PRKCE: variants seen among roughly 807,000 people sequenced by gnomAD.
PRKCE encodes the protein protein kinase C epsilon type.
In PRKCE, 16 loss-of-function variants were observed where a neutral mutation model predicts 85.4. That is an observed-to-expected ratio of 0.19 (90% CI 0.13 to 0.28). PRKCE has a LOEUF of 0.28. Ranked by LOEUF, PRKCE falls within the 10% of genes least tolerant of loss-of-function variation. PRKCE has a pLI of 1.00. For synonymous variants in PRKCE, 388 were observed against 371.5 expected (o/e 1.04, Z -0.51); for missense variants, 573 against 975.2 (o/e 0.59, Z 5.49).
intron 10 of PRKCE, among the ~76,000 whole-genome samples, chr2:46,014,931 C>T (rs554398082): frequency 6.6e-5 from 10 of 152,276 alleles, no homozygotes; most frequent in African/African-American, 1.9e-4. Context: ...ATGCTATCTC[C>T]TACTTCTTCC....
chr2:45,792,508 C>T (rs773439184), intron 1 of PRKCE, among the ~76,000 whole-genome samples: 1 of 152,180 alleles, frequency 6.6e-6, no homozygotes, highest in Non-Finnish European at 1.5e-5. Context: ...CCTTCCCACC[C>T]TTTCCCTTCT....
intron 11 of PRKCE, among the ~76,000 whole-genome samples, chr2:46,142,337 A>G (rs1253545630): frequency 6.6e-6 from 1 of 152,142 alleles, no homozygotes; most frequent in Non-Finnish European, 1.5e-5. Context: ...ACCCCCAGAG[A>G]AATAGAAAGT....
chr2:45,770,477 T>G (rs1685227719), intron 1 of PRKCE, among the ~76,000 whole-genome samples: 1 of 152,134 alleles, frequency 6.6e-6, no homozygotes, highest in African/African-American at 2.4e-5. Context: ...CCACTTGTGT[T>G]TCTGGAGCTC....
intron 1 of PRKCE, among the ~76,000 whole-genome samples, chr2:45,671,781 A>G (rs1311916052): frequency 6.6e-6 from 1 of 152,202 alleles, no homozygotes; most frequent in East Asian, 1.9e-4. Flanking sequence ...AAAAAAATCC[A>G]GTAGAGGACA....
intron 11 of PRKCE, among the ~76,000 whole-genome samples, chr2:46,123,302 A>T (rs139142558): frequency 1.5e-4 from 21 of 137,580 alleles, no homozygotes; most frequent in African/African-American, 5.5e-4. Flanking sequence ...CACATGCTTT[A>T]ATATCTTAAA....
At chr2:46,019,847 CTTTTTTTTTTTT>C (rs869079304) in intron 10 of PRKCE, among the ~76,000 whole-genome samples, 25 of 105,894 alleles carry the variant, frequency 2.4e-4, no homozygotes, top group African/African-American at 9.3e-4. Context: ...TTGGTTTTCT[CTTTTTTTTTTTT>C]TTTTTTTTTG....
rs183960460 is a variant in PRKCE at position 45,810,180 on chromosome 2, A to G, written c.349-32820A>G. Among the ~76,000 whole-genome samples, 1,452 of 151,970 alleles carry G rather than the reference A, an allele frequency of 9.6e-3. 21 individuals carry two copies. Among genetic ancestry groups the G allele is most frequent in the African/African-American group, 0.033 (1,367 of 41,488 alleles). On this transcript the variant is annotated intron_variant, in intron 1 of 14. Transcript: ENST00000306156. ...CTCAGCCTCCTGAGTAGCTGGGATT[A>G]CAGGTGCCTACCACCATGCCCGGCT...
chr2:45,917,586 T>TG (rs1697898590), intron 2 of PRKCE, among the ~76,000 whole-genome samples: 2 of 152,216 alleles, frequency 1.3e-5, no homozygotes, highest in Admixed American at 6.5e-5. Context: ...CCCCACCAGA[T>TG]TCAGGAGCCC....
intron 1 of PRKCE, among the ~76,000 whole-genome samples, chr2:45,658,677 G>C (rs1344671742): frequency 2.0e-5 from 3 of 152,204 alleles, no homozygotes; most frequent in Non-Finnish European, 2.9e-5. Context: ...AAGTGGTCTG[G>C]CTATAATACA....
intron 10 of PRKCE, among the ~76,000 whole-genome samples, chr2:46,017,880 G>A (rs1222528202): frequency 6.6e-6 from 1 of 152,134 alleles, no homozygotes; most frequent in Non-Finnish European, 1.5e-5. Context: ...ACCCAGATTG[G>A]AATAAAGGTT....
intron 1 of PRKCE, among the ~76,000 whole-genome samples, chr2:45,799,805 G>A (rs1296568866): frequency 2.0e-5 from 3 of 152,194 alleles, no homozygotes; most frequent in Non-Finnish European, 4.4e-5. Flanking sequence ...CTGAGATGAT[G>A]TCAGAAGTAG....
chr2:46,098,834 G>A (rs962055526), intron 11 of PRKCE, among the ~76,000 whole-genome samples: 6 of 152,032 alleles, frequency 3.9e-5, no homozygotes, highest in Non-Finnish European at 8.8e-5. Flanking sequence ...CAGCTTTGCC[G>A]TGGTAAGCAG....
chr2:45,767,726 A>T (rs4413200), intron 1 of PRKCE, among the ~76,000 whole-genome samples: 1 of 152,084 alleles, frequency 6.6e-6, no homozygotes. Context: ...TTTCTCTAGC[A>T]TGCATGTCCA....
rs1339945010 is a variant in PRKCE at position 46,159,839 on chromosome 2, C to T, written c.2067+87C>T. 23 of 1,526,770 alleles carry T rather than the reference C, an allele frequency of 1.5e-5. No homozygotes were observed. The highest frequency in any genetic ancestry group is 2.1e-4 in the Middle Eastern group (1 of 4,792). 94.6% of individuals were successfully genotyped at this position (1,526,770 alleles called of 1,614,324 possible). A position where few individuals can be genotyped will look rare whatever the true frequency, so the allele number is the denominator to read the frequency against. On this transcript the variant is annotated intron_variant, in intron 14 of 14. Transcript: ENST00000306156. This position sits in a 1 kb window ranked among gnomAD's most constrained non-coding sequence, Gnocchi z 4.1. ...CTGCGTGCACCCAGGAAGAGTTGGTCAGGGGATGCGTATTACAGTAAAAAT... is the reference window on the plus strand; with the variant it reads ...CTGCGTGCACCCAGGAAGAGTTGGTTAGGGGATGCGTATTACAGTAAAAAT...
chr2:46,166,421 G>A (rs1050416089), intron 14 of PRKCE, among the ~76,000 whole-genome samples: 1 of 152,230 alleles, frequency 6.6e-6, no homozygotes, highest in Non-Finnish European at 1.5e-5. Flanking sequence ...CATCCAAGAG[G>A]CTACAAGAGC....
intron 8 of PRKCE, among the ~76,000 whole-genome samples, chr2:46,006,242 C>G (rs13016869): frequency 0.22 from 33,330 of 152,216 alleles, 4,013 homozygotes; most frequent in African/African-American, 0.31. Flanking sequence ...TCAAGCTTTG[C>G]TGTCCCCAAA....
At chr2:45,856,376 A>C (rs1439363036) in intron 2 of PRKCE, among the ~76,000 whole-genome samples, 1 of 152,098 alleles carries the variant, frequency 6.6e-6, no homozygotes, top group African/African-American at 2.4e-5. Context: ...GATTACAGGC[A>C]TCTGCCACCA....
At chr2:45,694,233 A>G (rs1677964896) in intron 1 of PRKCE, among the ~76,000 whole-genome samples, 1 of 151,208 alleles carries the variant, frequency 6.6e-6, no homozygotes, top group African/African-American at 2.4e-5. Flanking sequence ...AAAATGTCTC[A>G]TCTAGGAAAC....
In PRKCE at chr2:46,032,648, G is replaced by GT. The variant is rs369019741; in HGVS notation, c.1437+22132dup. On this transcript the variant is annotated intron_variant, in intron 10 of 14. Coordinates refer to ENST00000306156, the MANE Select transcript of PRKCE (RefSeq NM_005400.3). ...GAAAAAATGCCCAGGCAACAATGGT[G>GT]TGTTGATGCTTGGAGTCAGGCTGGC... is the stretch of plus-strand genomic sequence containing the variant. Among the ~76,000 whole-genome samples the GT allele has an allele frequency of 1.2e-4, 18 of 152,326 alleles. No individual in the cohort carries two copies. In the East Asian group the frequency reaches 3.5e-3, roughly 29 times the overall value.
Sources: allele counts gnomAD v4.1 joint callset (sites outside exome capture counted in the v4.1 genomes callset), GRCh38; gene constraint gnomAD v4.1.1; non-coding constraint Gnocchi (gnomAD v3.1); transcripts MANE v1.5; gene names NCBI Gene and HGNC (gene_info 2026-07-23, HGNC 2026-07-21).